The following MCC variants were observed in gnomAD, a reference collection of about 807,000 sequenced individuals.
The protein encoded by MCC is MCC regulator of Wnt signaling pathway.
Under a neutral mutation model 116.2 loss-of-function variants are expected in MCC, and 90 were observed. That is an observed-to-expected ratio of 0.77 (90% CI 0.65 to 0.92). The LOEUF is 0.92. Ranked by LOEUF, MCC falls within the 40% of genes least tolerant of loss-of-function variation. MCC has a pLI of 0.00. For synonymous variants in MCC, 578 were observed against 510.5 expected, an observed-to-expected ratio of 1.13 and a Z score of -1.78; for missense variants, 1,516 against 1,312.2, an observed-to-expected ratio of 1.16 and a Z score of -2.40.
At chr5:113,415,602 T>C (rs1380731629) in intron 1 of MCC, among the ~76,000 whole-genome samples, 1 of 152,212 alleles carries the variant, frequency 6.6e-6, no homozygotes, top group Admixed American at 6.5e-5. Flanking sequence ...TCTCGTGCCA[T>C]GGTTTTCAGC....
At chr5:113,327,560 AAAT>A (rs1194616197) in intron 3 of MCC, among the ~76,000 whole-genome samples, 52 of 100,382 alleles carry the variant, frequency 5.2e-4, no homozygotes, top group Admixed American at 1.8e-3. Context: ...AAAAAAAAAA[AAAT>A]ATATATATAT....
chr5:113,272,903 G>A (rs1765669561), intron 3 of MCC, among the ~76,000 whole-genome samples: 1 of 152,138 alleles, frequency 6.6e-6, no homozygotes, highest in Non-Finnish European at 1.5e-5. Flanking sequence ...TATCACGTGG[G>A]TAGGCAGCAC....
At chr5:113,074,633 A>G (rs974192235) in intron 11 of MCC, among the ~76,000 whole-genome samples, 3 of 152,178 alleles carry the variant, frequency 2.0e-5, no homozygotes, top group Non-Finnish European at 4.4e-5. Context: ...GAAGCTAAAA[A>G]CCTTGAAAAA....
At chr5:113,239,516 C>T (rs1764281133) in intron 3 of MCC, among the ~76,000 whole-genome samples, 3 of 152,106 alleles carry the variant, frequency 2.0e-5, no homozygotes, top group African/African-American at 7.2e-5. Flanking sequence ...GTTTCAGTCA[C>T]ACACTTGCTG....
intron 5 of MCC, among the ~76,000 whole-genome samples, chr5:113,126,517 T>C (rs1036281525): frequency 6.6e-6 from 1 of 152,188 alleles, no homozygotes; most frequent in Non-Finnish European, 1.5e-5. Flanking sequence ...ATAAATATAT[T>C]TGACAATTTT....
At chr5:113,445,771 A>G (rs1561577006) in intron 1 of MCC, among the ~76,000 whole-genome samples, 1 of 152,222 alleles carries the variant, frequency 6.6e-6, no homozygotes, top group African/African-American at 2.4e-5. Context: ...TATAGAATGA[A>G]AAAATACCCC....
chr5:113,249,139 GCTCTCTCT>G (rs57174154), intron 3 of MCC, among the ~76,000 whole-genome samples: 4 of 149,386 alleles, frequency 2.7e-5, no homozygotes, highest in East Asian at 2.0e-4. Flanking sequence ...ACCGCACCCA[GCTCTCTCT>G]CTCTCTCTCT....
At chr5:113,042,474 CAAAAAAAAA>C (rs5870523) in intron 17 of MCC, among the ~76,000 whole-genome samples, 3 of 68,466 alleles carry the variant, frequency 4.4e-5, no homozygotes, top group African/African-American at 1.8e-4. Context: ...GACCCTCTCT[CAAAAAAAAA>C]AAAAAAAAAA....
chr5:113,189,534 A>G (rs180912188), intron 3 of MCC, among the ~76,000 whole-genome samples: 1 of 152,328 alleles, frequency 6.6e-6, no homozygotes, highest in Non-Finnish European at 1.5e-5. Flanking sequence ...TGACTTGCTT[A>G]AAAGCAGTGT....
At chr5:113,363,609 C>T (rs951375605) in intron 2 of MCC, among the ~76,000 whole-genome samples, 7 of 152,162 alleles carry the variant, frequency 4.6e-5, no homozygotes, top group African/African-American at 1.7e-4. Flanking sequence ...CAGTCATCTC[C>T]CACCAGGCCC....
chr5:113,333,802 TATATATGTATATATGTAC>T (rs1554076863), intron 3 of MCC, among the ~76,000 whole-genome samples: 1 of 53,860 alleles, frequency 1.9e-5, no homozygotes, highest in African/African-American at 1.1e-4. Context: ...TATATATATG[TATATATGTATATATGTAC>T]ATATATGTAT....
Position 113,122,758 on chromosome 5 carries a change from G to C in MCC, c.953C>G (p.Ser318Cys). 6.2e-7 allele frequency: 1 copy of C among 1,614,194 alleles called. No homozygotes were observed. Among genetic ancestry groups the C allele is most frequent in the Non-Finnish European group, 8.5e-7 (1 of 1,180,026 alleles). ...SQSQHEVNED[S>C]RSMDQDQTSV... ...GGTCTGGTCTTGGTCCATGCTTCGA[G>C]AGTCCTCGTTGACCTCGTGTTGGCT... Residue 318 changes from serine (S) to cysteine (C), a missense_variant, in exon 6 of 19, where the codon TCT becomes TGT. Transcript: ENST00000408903.
At chr5:113,430,463 C>T (rs531570903) in intron 1 of MCC, among the ~76,000 whole-genome samples, 77 of 152,270 alleles carry the variant, frequency 5.1e-4, no homozygotes, top group Admixed American at 2.4e-3. Flanking sequence ...AACAAAGGTC[C>T]AGCCCTCTGA....
rs147869500 is a variant in MCC at position 113,064,047 on chromosome 5, G to C, written c.2150C>G (p.Ala717Gly). The C allele has an allele frequency of 2.5e-6, 4 of 1,614,198 alleles. No homozygotes were observed. The highest frequency in any genetic ancestry group is 1.7e-5 in the Admixed American group (1 of 60,030). Reference sequence around the variant, plus strand: ...CACGCTGCAGCCGGCCACGGCAAAGGCTCCCCCACAGCTGCCGTCCAGCTT... The same window carrying C: ...CACGCTGCAGCCGGCCACGGCAAAGCCTCCCCCACAGCTGCCGTCCAGCTT... ...LMKLDGSCGG[A>G]FAVAGCSVQP... The change falls in exon 14 of 19, where the codon GCC becomes GGC. Residue 717 changes from alanine (A) to glycine (G), a missense_variant. Transcript: ENST00000408903.
intron 14 of MCC, among the ~76,000 whole-genome samples, chr5:113,058,749 G>C (rs1472479556): frequency 6.6e-6 from 1 of 152,210 alleles, no homozygotes; most frequent in East Asian, 1.9e-4. Flanking sequence ...GGAATACTAA[G>C]GGTTCCTGCC....
intron 8 of MCC, among the ~76,000 whole-genome samples, chr5:113,093,099 A>G (rs1418493811): frequency 2.0e-5 from 3 of 152,244 alleles, no homozygotes; most frequent in African/African-American, 7.2e-5. Context: ...GCGACAGCAG[A>G]GTAACATTTA....
chr5:113,264,709 G>T (rs1033758073), intron 3 of MCC, among the ~76,000 whole-genome samples: 1 of 152,176 alleles, frequency 6.6e-6, no homozygotes, highest in Admixed American at 6.5e-5. Flanking sequence ...ATCTTATGAT[G>T]TAAAAATTAT....
intron 3 of MCC, among the ~76,000 whole-genome samples, chr5:113,303,312 C>T (rs1373081025): frequency 1.3e-5 from 2 of 152,136 alleles, no homozygotes; most frequent in Non-Finnish European, 2.9e-5. Context: ...AATGCAGTCC[C>T]AGGACTTATC....
intron 8 of MCC, among the ~76,000 whole-genome samples, chr5:113,097,596 G>A (rs1011552327): frequency 2.6e-5 from 4 of 152,144 alleles, no homozygotes; most frequent in Non-Finnish European, 5.9e-5. Flanking sequence ...CCTGTCTCAA[G>A]AAAAGCAACA....
Sources: gnomAD v4.1 joint callset for allele counts (sites outside exome capture counted in the v4.1 genomes callset) on GRCh38, gnomAD v4.1.1 for gene constraint, MANE v1.5 for transcripts, NCBI Gene and HGNC (gene_info 2026-07-23, HGNC 2026-07-21) for gene names.